The following PIP5K1C variants were observed in gnomAD, a reference collection of about 807,000 sequenced individuals.
The protein encoded by PIP5K1C is phosphatidylinositol 4-phosphate 5-kinase type-1 gamma.
PIP5K1C carries 45 observed loss-of-function variants against 80.1 expected under a neutral mutation model. The observed-to-expected ratio is 0.56, with a 90% CI of 0.44 to 0.72. The LOEUF (loss-of-function observed/expected upper bound fraction) is 0.72, where lower values mean the gene tolerates loss of function less well. Ranked by LOEUF, PIP5K1C falls within the 30% of genes least tolerant of loss-of-function variation. The pLI is 0.00. For missense variants in PIP5K1C, 753 were observed against 954.6 expected (o/e 0.79, Z 2.78); for synonymous variants, 498 against 420.1 (o/e 1.19, Z -2.27).
intron 1 of PIP5K1C, among the ~76,000 whole-genome samples, chr19:3,683,523 G>T (rs1423705715): frequency 6.6e-6 from 1 of 152,214 alleles, no homozygotes; most frequent in South Asian, 2.1e-4. Flanking sequence ...GCTTAGTCAC[G>T]CAATTGTCCC....
intron 1 of PIP5K1C, among the ~76,000 whole-genome samples, chr19:3,669,032 A>T (rs1186005187): frequency 6.6e-6 from 1 of 152,046 alleles, no homozygotes; most frequent in African/African-American, 2.4e-5. Context: ...GCTTCTTTTC[A>T]ATCACAGGGG....
chr19:3,683,707 G>C (rs2145582472), intron 1 of PIP5K1C, among the ~76,000 whole-genome samples: 1 of 152,312 alleles, frequency 6.6e-6, no homozygotes, highest in East Asian at 1.9e-4. Flanking sequence ...CGGGAGGAGA[G>C]TGAGGAGGAG....
intron 1 of PIP5K1C, among the ~76,000 whole-genome samples, chr19:3,678,855 G>A (rs1466529832): frequency 1.4e-5 from 2 of 141,806 alleles, no homozygotes; most frequent in Non-Finnish European, 3.1e-5. Context: ...GAGGGATGGA[G>A]GGATGGCGGG....
rs189362492 is a variant in PIP5K1C, at chr19:3,652,487, G to A, written c.922-456C>T. On this transcript the variant is annotated intron_variant, in intron 7 of 17. Transcript: ENST00000335312. Reference sequence around the variant, plus strand: ...TATGGGTCAAGTTCTCAAAGGGGTCGGGGAGCTGGGGATGGTCAGCAGCGG... The same window carrying A: ...TATGGGTCAAGTTCTCAAAGGGGTCAGGGAGCTGGGGATGGTCAGCAGCGG... Among the ~76,000 whole-genome samples, 227 of 152,278 alleles carry A rather than the reference G, an allele frequency of 1.5e-3. 1 individual carries two copies. In the Middle Eastern group the frequency reaches 0.02, roughly 14 times the overall value.
intron 1 of PIP5K1C, among the ~76,000 whole-genome samples, chr19:3,671,661 G>A (rs1374751198): frequency 5.9e-5 from 9 of 152,208 alleles, no homozygotes; most frequent in Non-Finnish European, 8.8e-5. Flanking sequence ...AGGCAGGAAC[G>A]GGCAGCAAGG....
chr19:3,660,832 G>A (rs145315916), intron 5 of PIP5K1C, 134 bp downstream of exon 5: 152 of 711,610 alleles, frequency 2.1e-4, no homozygotes, highest in Non-Finnish European at 3.4e-4. Context: ...AGGAGACTCC[G>A]GCCCTGAACC....
At chr19:3,693,034 C>T (rs1007502292) in intron 1 of PIP5K1C, among the ~76,000 whole-genome samples, 28 of 151,624 alleles carry the variant, frequency 1.8e-4, no homozygotes, top group African/African-American at 6.3e-4. Flanking sequence ...GGCTCTTCTC[C>T]GTGGCACTTG....
intron 1 of PIP5K1C, among the ~76,000 whole-genome samples, chr19:3,680,781 C>A (rs749895855): frequency 1.3e-5 from 2 of 152,226 alleles, no homozygotes; most frequent in Non-Finnish European, 2.9e-5. Context: ...GCCAGGATCT[C>A]CTCTGGGACA....
At position 3,637,245 on chromosome 19, in the gene PIP5K1C, T is replaced by C. The variant is rs2033726135; in HGVS notation, c.1920+1639A>G. The C allele has an allele frequency of 6.9e-7, 1 of 1,449,206 alleles. No individual in the cohort carries two copies. 89.8% of individuals were successfully genotyped at this position (1,449,206 alleles called of 1,614,324 possible). On this transcript the variant is annotated intron_variant, in intron 16 of 17. Coordinates refer to ENST00000335312, the MANE Select transcript of PIP5K1C (RefSeq NM_012398.3). The surrounding 1 kb of genome is among the most constrained non-coding windows in gnomAD (Gnocchi z 7.0). ...GGGCAGAGAGGGGCTCGCTGGGGTCTGGCCGGGGTCCGAAGCAGACCCTGG... is the reference window on the plus strand; with the variant it reads ...GGGCAGAGAGGGGCTCGCTGGGGTCCGGCCGGGGTCCGAAGCAGACCCTGG...
rs1016129409 is a variant in PIP5K1C, at chr19:3,688,973, G to C, written c.94+11324C>G. ...GGCTGGGGGGTGGGGGGGGCTTGGC[G>C]CACGCGGCCTATGGTCTGTGAGCTC... On this transcript the variant is annotated intron_variant, in intron 1 of 17. Transcript: ENST00000335312. The surrounding 1 kb of genome is among the most constrained non-coding windows in gnomAD (Gnocchi z 5.3). Among the ~76,000 whole-genome samples the C allele has an allele frequency of 6.6e-6, 1 of 152,130 alleles. No homozygotes were observed. The highest frequency in any genetic ancestry group is 1.5e-5 in the Non-Finnish European group (1 of 68,034).
In PIP5K1C at chr19:3,664,885, A is replaced by G; in HGVS notation, c.156T>C (p.Pro52=). ...EVLSMTAQPG[P]GHGKKLGHRG... is the part of the protein sequence containing the mutation. ...GATGGCCCAACTTCTTCCCATGGCCAGGGCCCGGCTGTGCCGTCATGGACA... is the reference window on the plus strand; with the variant it reads ...GATGGCCCAACTTCTTCCCATGGCCGGGGCCCGGCTGTGCCGTCATGGACA... Residue 52 remains proline, a synonymous_variant, in exon 3 of 18, where the codon CCT becomes CCC. Coordinates refer to ENST00000335312, the MANE Select transcript of PIP5K1C (RefSeq NM_012398.3). 1 of 1,613,182 alleles carries G rather than the reference A, an allele frequency of 6.2e-7. No homozygotes were observed. Among genetic ancestry groups the G allele is most frequent in the Non-Finnish European group, 8.5e-7 (1 of 1,179,958 alleles).
chr19:3,642,890 A>C lies in PIP5K1C; in HGVS notation c.1682+17T>G. The C allele has an allele frequency of 6.2e-7, 1 of 1,608,804 alleles. No individual in the cohort carries two copies. The highest frequency in any genetic ancestry group is 8.5e-7 in the Non-Finnish European group (1 of 1,175,924). ...GGAGCTGGTGAGACCCAGGGAAGGA[A>C]GGGGGTTGGGTCTCACCTGCCATCC... On this transcript the variant is annotated intron_variant, in intron 14 of 17. Transcript: ENST00000335312.
chr19:3,637,659 G>A lies in PIP5K1C; in HGVS notation c.1920+1225C>T, dbSNP rs1466797735. The A allele has an allele frequency of 6.6e-7, 1 of 1,513,386 alleles. No homozygotes were observed. Among genetic ancestry groups the A allele is most frequent in the South Asian group, 1.2e-5 (1 of 80,838 alleles). 93.7% of individuals were successfully genotyped at this position (1,513,386 alleles called of 1,614,324 possible). On this transcript the variant is annotated intron_variant, in intron 16 of 17. Transcript: ENST00000335312. The surrounding 1 kb of genome is among the most constrained non-coding windows in gnomAD (Gnocchi z 7.0). ...GGGCCGGAGGAGGAAGGAAAACAGA[G>A]GACAGCGGATGAGGCGGCCACCCCC...
chr19:3,672,539 A>C (rs955175479), intron 1 of PIP5K1C: 1 of 152,488 alleles, frequency 6.6e-6, no homozygotes, highest in Non-Finnish European at 1.5e-5. Context: ...TCTGTCTGAC[A>C]TGGACACTGA....
chr19:3,670,754 T>TGGGTGGGCAGC (rs2035179626), intron 1 of PIP5K1C, among the ~76,000 whole-genome samples: 2 of 151,926 alleles, frequency 1.3e-5, no homozygotes, highest in Non-Finnish European at 2.9e-5. Flanking sequence ...CCTGCAGGGC[T>TGGGTGGGCAGC]GGGTGGGCAG....
chr19:3,670,995 T>A (rs1345868003), intron 1 of PIP5K1C, among the ~76,000 whole-genome samples: 1 of 152,080 alleles, frequency 6.6e-6, no homozygotes, highest in Non-Finnish European at 1.5e-5. Context: ...GACGCTGACG[T>A]GATGTTTGGG....
Position 3,684,303 on chromosome 19 carries a change from A to C in PIP5K1C, c.94+15994T>G, listed in dbSNP as rs534235935. Among the ~76,000 whole-genome samples, 111 of 152,306 alleles carry C rather than the reference A, an allele frequency of 7.3e-4. 1 individual carries two copies. The highest frequency in any genetic ancestry group is 2.6e-3 in the African/African-American group (107 of 41,578). On this transcript the variant is annotated intron_variant, in intron 1 of 17. Coordinates refer to ENST00000335312, the MANE Select transcript of PIP5K1C (RefSeq NM_012398.3). Reference sequence around the variant, plus strand: ...ACCCCACACACATCATCCAGCGCACAATCTCACAGCACTCACACACAGATG... The same window carrying C: ...ACCCCACACACATCATCCAGCGCACCATCTCACAGCACTCACACACAGATG...
chr19:3,637,819 G>T lies in PIP5K1C; in HGVS notation c.1920+1065C>A. ...TCCCTTCTCTGCTGCCCACCTGGCA[G>T]GGCATCAGGACACAGACACACAGCA... On this transcript the variant is annotated intron_variant, in intron 16 of 17. Coordinates refer to ENST00000335312, the MANE Select transcript of PIP5K1C (RefSeq NM_012398.3). The surrounding 1 kb of genome is among the most constrained non-coding windows in gnomAD (Gnocchi z 7.0). 6.5e-7 allele frequency: 1 copy of T among 1,535,186 alleles called. No homozygotes were observed. Among genetic ancestry groups the T allele is most frequent in the East Asian group, 2.4e-5 (1 of 40,898 alleles).
In PIP5K1C at chr19:3,648,844, C is replaced by G; in HGVS notation, c.1128-136G>C. 1.4e-6 allele frequency: 1 copy of G among 702,782 alleles called. No individual in the cohort carries two copies. The highest frequency in any genetic ancestry group is 2.5e-6 in the Non-Finnish European group (1 of 397,304). 43.5% of individuals were successfully genotyped at this position (702,782 alleles called of 1,614,324 possible). On this transcript the variant is annotated intron_variant, in intron 8 of 17. Transcript: ENST00000335312. This position sits in a 1 kb window ranked among gnomAD's most constrained non-coding sequence, Gnocchi z 4.3. ...CTTGGCCAAGCTCTCGGAGTGGGGC[C>G]TGGCACCCGGGAACCTCTGTCCTGA...
Sources: gnomAD v4.1 joint callset for allele counts (sites outside exome capture counted in the v4.1 genomes callset) on GRCh38, gnomAD v4.1.1 for gene constraint, Gnocchi (gnomAD v3.1) non-coding constraint, MANE v1.5 for transcripts, NCBI Gene and HGNC (gene_info 2026-07-23, HGNC 2026-07-21) for gene names.